Variants in TBC1D5 observed in about 807,000 individuals in gnomAD.
The protein encoded by TBC1D5 is TBC1 domain family member 5, also known as TBC1 domain family, member 5.
In TBC1D5, 75 loss-of-function variants were observed where a neutral mutation model predicts 100.3. The ratio of observed to expected loss-of-function variants is 0.75; its 90% CI spans 0.62 to 0.91. The LOEUF (loss-of-function observed/expected upper bound fraction) is 0.91. TBC1D5 is among the 40% of genes least tolerant of loss of function. The pLI is 0.00. For missense variants in TBC1D5, 910 were observed against 942.4 expected, an observed-to-expected ratio of 0.97 and a Z score of 0.45; for synonymous variants, 323 against 325.6, an observed-to-expected ratio of 0.99 and a Z score of 0.09.
intron 2 of TBC1D5, among the ~76,000 whole-genome samples, chr3:17,581,516 CCTT>C: frequency 6.6e-6 from 1 of 152,128 alleles, no homozygotes; most frequent in Non-Finnish European, 1.5e-5. Context: ...ATAATTTTCC[CCTT>C]CTTCATTAAA....
chr3:17,573,859 T>C (rs1295443123), intron 2 of TBC1D5, among the ~76,000 whole-genome samples: 1 of 151,962 alleles, frequency 6.6e-6, no homozygotes. Context: ...CACTAGATGT[T>C]AATTTTTTAA....
At chr3:17,160,803 T>C in exon 22 of TBC1D5, 1 of 932,666 alleles carries the variant, frequency 1.1e-6, no homozygotes, top group Non-Finnish European at 1.6e-6. Flanking sequence ...TGGCCATATA[T>C]GCTTCTCTCT....
intron 2 of TBC1D5, among the ~76,000 whole-genome samples, chr3:17,528,873 A>G (rs1051329858): frequency 7.2e-5 from 11 of 152,180 alleles, no homozygotes; most frequent in Admixed American, 1.3e-4. Flanking sequence ...TACAAAAAAA[A>G]TTGTTCACTT....
intron 1 of TBC1D5, among the ~76,000 whole-genome samples, chr3:17,721,700 G>T (rs1267325960): frequency 6.7e-6 from 1 of 148,632 alleles, no homozygotes; most frequent in Non-Finnish European, 1.5e-5. Context: ...TAATAATGTG[G>T]CTGGGCATGG....
chr3:17,663,066 C>A (rs1363819378), intron 1 of TBC1D5: 1 of 152,090 alleles, frequency 6.6e-6, no homozygotes, highest in East Asian at 1.9e-4. Flanking sequence ...TTCCAGTGTG[C>A]TTTCCTTTAC....
At chr3:17,373,486 A>C (rs2092567118) in intron 12 of TBC1D5, among the ~76,000 whole-genome samples, 1 of 152,160 alleles carries the variant, frequency 6.6e-6, no homozygotes. Flanking sequence ...TTAGTTTGAA[A>C]ATATAGTTAA....
At position 17,193,004 on chromosome 3, in the gene TBC1D5, A is replaced by C. The variant is rs77967922; in HGVS notation, c.1753-7796T>G. The stretch of plus-strand genomic sequence containing the variant: ...GGCTACAGCAAAGTCACTAAAACCT[A>C]AACTCCACAGGATTTTGTATCACTT... On this transcript the variant is annotated intron_variant, in intron 18 of 21. Coordinates refer to ENST00000253692, the Ensembl canonical transcript of TBC1D5. Among the ~76,000 whole-genome samples the C allele has an allele frequency of 5.4e-3, 830 of 152,354 alleles. 5 individuals carry two copies. The highest frequency in any genetic ancestry group is 0.018 in the African/African-American group (765 of 41,588).
chr3:17,591,335 C>T (rs1284784486), intron 2 of TBC1D5, among the ~76,000 whole-genome samples: 2 of 140,042 alleles, frequency 1.4e-5, no homozygotes, highest in Non-Finnish European at 3.0e-5. Flanking sequence ...GATCCAGAAA[C>T]TCTTGAATGA....
chr3:17,546,183 T>C (rs893958098), intron 2 of TBC1D5, among the ~76,000 whole-genome samples: 3 of 152,280 alleles, frequency 2.0e-5, no homozygotes, highest in South Asian at 2.1e-4. Context: ...AGGGTACAAA[T>C]TGATAGTTAT....
chr3:17,535,364 T>C (rs1156451169), intron 2 of TBC1D5, among the ~76,000 whole-genome samples: 2 of 152,214 alleles, frequency 1.3e-5, no homozygotes, highest in Non-Finnish European at 2.9e-5. Flanking sequence ...TGTGCTTTTA[T>C]GGCCCTGGCA....
At chr3:17,670,654 A>T (rs2067837302) in intron 1 of TBC1D5, among the ~76,000 whole-genome samples, 1 of 152,224 alleles carries the variant, frequency 6.6e-6, no homozygotes, top group Non-Finnish European at 1.5e-5. Context: ...ATCTCAGTTG[A>T]TGTAGTTTTT....
intron 5 of TBC1D5, among the ~76,000 whole-genome samples, chr3:17,405,385 C>A (rs1483893331): frequency 6.6e-6 from 1 of 151,910 alleles, no homozygotes; most frequent in East Asian, 1.9e-4. Context: ...AGTTAGTGAA[C>A]AACAGTCTCA....
chr3:17,183,110 C>A (rs913499400), intron 19 of TBC1D5, among the ~76,000 whole-genome samples: 5 of 152,068 alleles, frequency 3.3e-5, no homozygotes, highest in African/African-American at 1.2e-4. Flanking sequence ...TGAAACTCTC[C>A]CCCCAACTGG....
rs530020417 is a variant in TBC1D5, at chr3:17,557,216, C to G, written c.-35-48611G>C. ...ATAATAAAAATTAAGAAATTTTCCA[C>G]GAACAATCTTAGAAACAAGATAGCT... On this transcript the variant is annotated intron_variant, in intron 2 of 21. Coordinates refer to ENST00000253692, the Ensembl canonical transcript of TBC1D5. Among the ~76,000 whole-genome samples the G allele has an allele frequency of 5.5e-4, 84 of 152,188 alleles. 1 individual carries two copies. The highest frequency in any genetic ancestry group is 2.0e-3 in the African/African-American group (83 of 41,524).
At chr3:17,347,085 T>G (rs2151566478) in intron 13 of TBC1D5, among the ~76,000 whole-genome samples, 1 of 152,352 alleles carries the variant, frequency 6.6e-6, no homozygotes, top group African/African-American at 2.4e-5. Flanking sequence ...TTTTACAACC[T>G]AAAGTTTTGT....
chr3:17,173,140 G>T (rs756215758), intron 19 of TBC1D5, among the ~76,000 whole-genome samples: 52 of 152,158 alleles, frequency 3.4e-4, no homozygotes, highest in Non-Finnish European at 6.6e-4. Context: ...GATGAGAACT[G>T]TCAACATATT....
At chr3:17,661,294 A>G (rs917378389) in intron 1 of TBC1D5, among the ~76,000 whole-genome samples, 2 of 152,226 alleles carry the variant, frequency 1.3e-5, no homozygotes, top group Non-Finnish European at 2.9e-5. Flanking sequence ...CTTAATGGTT[A>G]TACATCACAG....
intron 1 of TBC1D5, among the ~76,000 whole-genome samples, chr3:17,685,473 T>G (rs963325594): frequency 6.6e-6 from 1 of 152,046 alleles, no homozygotes; most frequent in Non-Finnish European, 1.5e-5. Context: ...CAAAATAACC[T>G]AAATAATAAG....
intron 1 of TBC1D5, among the ~76,000 whole-genome samples, chr3:17,681,906 C>A (rs1173566005): frequency 6.6e-6 from 1 of 151,542 alleles, no homozygotes; most frequent in Non-Finnish European, 1.5e-5. Flanking sequence ...TCATCAGCAG[C>A]ATTAGATTCT....
Sources: allele counts gnomAD v4.1 joint callset (sites outside exome capture counted in the v4.1 genomes callset), GRCh38; gene constraint gnomAD v4.1.1; transcripts MANE v1.5; gene names NCBI Gene and HGNC (gene_info 2026-07-23, HGNC 2026-07-21).